The following STK32B variants were observed in gnomAD, a reference collection of about 807,000 sequenced individuals.
STK32B encodes the protein serine/threonine-protein kinase 32B.
Under a neutral mutation model 52.6 loss-of-function variants are expected in STK32B, and 43 were observed. That is an observed-to-expected ratio of 0.82 (90% CI 0.64 to 1.05). The LOEUF is 1.05. Among genes scored for constraint, STK32B ranks in the 50% least tolerant of loss-of-function variants. STK32B has a pLI of 0.00. For missense variants in STK32B, 621 were observed against 534.6 expected, an observed-to-expected ratio of 1.16 and a Z score of -1.59; for synonymous variants, 238 against 204.3, an observed-to-expected ratio of 1.17 and a Z score of -1.41.
chr4:5,358,930 G>A (rs1278646140), intron 4 of STK32B, among the ~76,000 whole-genome samples: 1 of 152,180 alleles, frequency 6.6e-6, no homozygotes, highest in African/African-American at 2.4e-5. Flanking sequence ...TACAGAAGCT[G>A]AGCTTTGAAG....
At chr4:5,316,193 T>A (rs183578534) in intron 3 of STK32B, among the ~76,000 whole-genome samples, 19 of 86,388 alleles carry the variant, frequency 2.2e-4, no homozygotes, top group African/African-American at 8.9e-4. Flanking sequence ...ATATATATAT[T>A]TAGATATATA....
chr4:5,090,370 C>CTTTTTTTTT (rs754643704), intron 1 of STK32B, among the ~76,000 whole-genome samples: 6 of 56,546 alleles, frequency 1.1e-4, no homozygotes, highest in Admixed American at 2.4e-4. Flanking sequence ...TTTAATCCAT[C>CTTTTTTTTT]TTTTTTTTTT....
intron 3 of STK32B, among the ~76,000 whole-genome samples, chr4:5,299,683 T>C (rs935206643): frequency 1.3e-5 from 2 of 152,224 alleles, no homozygotes; most frequent in African/African-American, 4.8e-5. Flanking sequence ...GTGCTATAGT[T>C]TGAAGTCAGG....
intron 3 of STK32B, among the ~76,000 whole-genome samples, chr4:5,257,909 C>G (rs1396816837): frequency 6.6e-6 from 1 of 152,116 alleles, no homozygotes; most frequent in Non-Finnish European, 1.5e-5. Context: ...TGCCACTGCA[C>G]TCCAGCCTGA....
chr4:5,222,614 G>A (rs1723610417), intron 3 of STK32B, among the ~76,000 whole-genome samples: 1 of 152,196 alleles, frequency 6.6e-6, no homozygotes, highest in African/African-American at 2.4e-5. Flanking sequence ...GGACTTCAGG[G>A]AAAGCACAAC....
At position 5,396,284 on chromosome 4, in the gene STK32B, C is replaced by G. The variant is rs1282588334; in HGVS notation, c.435-1923C>G. On this transcript the variant is annotated intron_variant, in intron 4 of 11. Coordinates refer to ENST00000282908, the MANE Select transcript of STK32B (RefSeq NM_018401.3). The surrounding 1 kb of genome is among the most constrained non-coding windows in gnomAD (Gnocchi z 4.7). Reference sequence around the variant, plus strand: ...GTTTCTGGTTCATGGCTGCATCACTCCAGTATCTGCTTCCATCTCCCCATG... The same window carrying G: ...GTTTCTGGTTCATGGCTGCATCACTGCAGTATCTGCTTCCATCTCCCCATG... Among the ~76,000 whole-genome samples the G allele has an allele frequency of 6.6e-6, 1 of 152,182 alleles. No individual in the cohort carries two copies. The highest frequency in any genetic ancestry group is 2.4e-5 in the African/African-American group (1 of 41,452).
intron 2 of STK32B, among the ~76,000 whole-genome samples, chr4:5,146,230 C>CA (rs1716903932): frequency 6.6e-6 from 1 of 151,934 alleles, no homozygotes; most frequent in Non-Finnish European, 1.5e-5. Context: ...CACCATAGGC[C>CA]GTCTGAAAGT....
At chr4:5,167,758 A>G (rs1474557316) in intron 2 of STK32B, among the ~76,000 whole-genome samples, 1 of 152,200 alleles carries the variant, frequency 6.6e-6, no homozygotes, top group Non-Finnish European at 1.5e-5. Context: ...CTCTGAGGAC[A>G]TTAATTCCCT....
chr4:5,439,386 C>A (rs1322413356), intron 6 of STK32B, among the ~76,000 whole-genome samples: 1 of 151,852 alleles, frequency 6.6e-6, no homozygotes, highest in Non-Finnish European at 1.5e-5. Context: ...TGTTTTTTGG[C>A]TGCATAAATG....
chr4:5,131,884 C>A (rs1715799508), intron 1 of STK32B, among the ~76,000 whole-genome samples: 1 of 152,180 alleles, frequency 6.6e-6, no homozygotes, highest in African/African-American at 2.4e-5. Context: ...ATAACTGTGT[C>A]TTAAATGTTG....
intron 3 of STK32B, among the ~76,000 whole-genome samples, chr4:5,233,359 GA>G (rs1182229344): frequency 6.6e-6 from 1 of 152,144 alleles, no homozygotes; most frequent in African/African-American, 2.4e-5. Flanking sequence ...TGGCAGAAAG[GA>G]AGTCATGAGC....
At chr4:5,085,665 A>T (rs1173045585) in intron 1 of STK32B, among the ~76,000 whole-genome samples, 2 of 152,234 alleles carry the variant, frequency 1.3e-5, no homozygotes, top group Non-Finnish European at 2.9e-5. Context: ...ATAAAAAAGC[A>T]TTGATAAAAT....
chr4:5,412,862 A>C (rs1038653742), intron 5 of STK32B, among the ~76,000 whole-genome samples: 1 of 152,138 alleles, frequency 6.6e-6, no homozygotes, highest in South Asian at 2.1e-4. Context: ...AGAGTATTCA[A>C]AATTGAGTCC....
chr4:5,136,297 G>T (rs1716072853), intron 1 of STK32B, among the ~76,000 whole-genome samples: 2 of 152,316 alleles, frequency 1.3e-5, no homozygotes, highest in South Asian at 4.1e-4. Context: ...TGTGTTTTTG[G>T]CAAGGACACT....
intron 3 of STK32B, among the ~76,000 whole-genome samples, chr4:5,181,427 A>T (rs1451975858): frequency 6.6e-6 from 1 of 152,012 alleles, no homozygotes; most frequent in Non-Finnish European, 1.5e-5. Context: ...GAGTTCAGAT[A>T]TCCAGCTTTT....
chr4:5,129,611 A>G (rs1045953889), intron 1 of STK32B, among the ~76,000 whole-genome samples: 3 of 152,160 alleles, frequency 2.0e-5, no homozygotes, highest in Non-Finnish European at 1.5e-5. Context: ...AACAACCTTG[A>G]TTATAATTAT....
intron 3 of STK32B, among the ~76,000 whole-genome samples, chr4:5,234,237 G>C (rs1445733592): frequency 6.6e-6 from 1 of 152,196 alleles, no homozygotes; most frequent in Non-Finnish European, 1.5e-5. Flanking sequence ...TTATGTACAA[G>C]TTAGATACTC....
chr4:5,297,445 G>A (rs1404880621), intron 3 of STK32B, among the ~76,000 whole-genome samples: 1 of 151,762 alleles, frequency 6.6e-6, no homozygotes, highest in Non-Finnish European at 1.5e-5. Flanking sequence ...TTTTTACATA[G>A]TCACATATTT....
At chr4:5,391,706 C>T (rs1577435310) in intron 4 of STK32B, among the ~76,000 whole-genome samples, 1 of 152,192 alleles carries the variant, frequency 6.6e-6, no homozygotes, top group Non-Finnish European at 1.5e-5. Context: ...TGGAATCTGG[C>T]CATTGGATCA....
Sources: allele counts gnomAD v4.1 joint callset (sites outside exome capture counted in the v4.1 genomes callset), GRCh38; gene constraint gnomAD v4.1.1; non-coding constraint Gnocchi (gnomAD v3.1); transcripts MANE v1.5; gene names NCBI Gene and HGNC (gene_info 2026-07-23, HGNC 2026-07-21).